The following CREBBP variants were observed in gnomAD, a reference collection of about 807,000 sequenced individuals.
CREBBP encodes CREB-binding protein.
Under a neutral mutation model 265.0 loss-of-function variants are expected in CREBBP, and 19 were observed. The ratio of observed to expected loss-of-function variants is 0.07; its 90% CI spans 0.05 to 0.11. The LOEUF is 0.11. CREBBP is among the 10% of genes least tolerant of loss of function. The pLI, the probability that CREBBP is intolerant of heterozygous loss-of-function variation, is 1.00. For synonymous variants in CREBBP, 1,457 were observed against 1,223.7 expected (o/e 1.19, Z -3.98); for missense variants, 2,525 against 3,219.0 (o/e 0.78, Z 5.22).
chr16:3,736,745 G>T lies in CREBBP; in HGVS notation c.4465C>A (p.Pro1489Thr), dbSNP rs1303444757. 13 of 1,614,054 alleles carry T rather than the reference G, an allele frequency of 8.1e-6. No homozygotes were observed. ...GDDYIFHCHP[P>T]DQKIPKPKRL... is the part of the protein sequence containing the mutation. ...TTTGGCTTGGGTATTTTTTGATCAGGTGGGTGGCAATGGAAGATGTAATCA... is the reference window on the plus strand; with the variant it reads ...TTTGGCTTGGGTATTTTTTGATCAGTTGGGTGGCAATGGAAGATGTAATCA... Residue 1489 changes from proline (P) to threonine (T), a missense_variant, in exon 27 of 31, where the codon CCT becomes ACT. By Grantham distance (38) the Pro-to-Thr change is conservative. Around this residue, in one of 19 missense-constraint regions of CREBBP, gnomAD observed 7 missense variants for 44.7 expected, o/e 0.16. Coordinates refer to ENST00000262367, the MANE Select transcript of CREBBP (RefSeq NM_004380.3).
At chr16:3,788,533 C>T (rs541090897) in intron 5 of CREBBP, among the ~76,000 whole-genome samples, 54 of 152,258 alleles carry the variant, frequency 3.5e-4, no homozygotes, top group African/African-American at 1.3e-3. Context: ...AGGTCAGATG[C>T]CAGGACTGAC....
At chr16:3,733,389 C>T (rs2051969080) in intron 28 of CREBBP, among the ~76,000 whole-genome samples, 1 of 151,614 alleles carries the variant, frequency 6.6e-6, no homozygotes, top group Non-Finnish European at 1.5e-5. Flanking sequence ...ATTCCCACCC[C>T]ACCGACAAGC....
intron 11 of CREBBP, among the ~76,000 whole-genome samples, chr16:3,775,829 C>CT: frequency 6.6e-6 from 1 of 152,314 alleles, no homozygotes. Context: ...CCAGCAGCAT[C>CT]TTCCTATCCA....
rs180866871 is a variant in CREBBP, at chr16:3,867,385, C to A, written c.85+12447G>T. Among the ~76,000 whole-genome samples the A allele has an allele frequency of 2.8e-3, 420 of 152,048 alleles. 2 individuals carry two copies. The highest frequency in any genetic ancestry group is 9.6e-3 in the African/African-American group (397 of 41,480). ...TGCGTGCCTGTAGTCCAAGCTACTG[C>A]GGAGGCTGAAGTGGGAGGATGGCTT... On this transcript the variant is annotated intron_variant, in intron 1 of 30. Coordinates refer to ENST00000262367, the MANE Select transcript of CREBBP (RefSeq NM_004380.3).
intron 1 of CREBBP, among the ~76,000 whole-genome samples, chr16:3,854,343 A>G (rs193233112): frequency 1.1e-4 from 16 of 152,342 alleles, no homozygotes; most frequent in Middle Eastern, 3.4e-3. Flanking sequence ...ATCACCCTGT[A>G]GCCAGGAGAG....
chr16:3,801,258 T>G (rs140156823), intron 3 of CREBBP, among the ~76,000 whole-genome samples: 14 of 152,304 alleles, frequency 9.2e-5, no homozygotes, highest in Non-Finnish European at 1.3e-4. Flanking sequence ...GGAAAACTGG[T>G]GAACAACAGG....
chr16:3,760,177 A>C (rs2052680127), intron 16 of CREBBP, among the ~76,000 whole-genome samples: 2 of 152,056 alleles, frequency 1.3e-5, no homozygotes, highest in African/African-American at 2.4e-5. Flanking sequence ...CTGCAGCTTC[A>C]ACCTCCCAGG....
In CREBBP at chr16:3,777,596, CACAA is replaced by C; in HGVS notation, c.2158+13_2158+16del. The C allele has an allele frequency of 6.2e-7, 1 of 1,613,740 alleles. No homozygotes were observed. Among genetic ancestry groups the C allele is most frequent in the South Asian group, 1.1e-5 (1 of 91,082 alleles). On this transcript the variant is annotated intron_variant, in intron 11 of 30. Coordinates refer to ENST00000262367, the MANE Select transcript of CREBBP (RefSeq NM_004380.3). ...AATGTAAAACTAAAATATGATTCAC[CACAA>C]ACAGTTCAATACCTTGAGAAACTTG...
intron 3 of CREBBP, among the ~76,000 whole-genome samples, chr16:3,807,090 A>G (rs2053845451): frequency 6.6e-6 from 1 of 152,182 alleles, no homozygotes; most frequent in Non-Finnish European, 1.5e-5. Flanking sequence ...AAGTGGAGTG[A>G]GCTCTGTGTC....
chr16:3,869,772 G>T (rs2055255896), intron 1 of CREBBP, among the ~76,000 whole-genome samples: 1 of 152,122 alleles, frequency 6.6e-6, no homozygotes, highest in Non-Finnish European at 1.5e-5. Context: ...GAGAACACAG[G>T]CATCCCCAAA....
chr16:3,757,448 A>G lies in CREBBP; in HGVS notation c.3610-72T>C, dbSNP rs946212958. On this transcript the variant is annotated intron_variant, in intron 18 of 30. Coordinates refer to ENST00000262367, the MANE Select transcript of CREBBP (RefSeq NM_004380.3). ...TTACTGTCTTATAATGTTCTAGTCT[A>G]CTATAGAGACTAGTAAATTATTTCT... The G allele has an allele frequency of 5.1e-6, 6 of 1,171,866 alleles. No individual in the cohort carries two copies. In the African/African-American group the frequency reaches 9.2e-5, roughly 18 times the overall value. The allele number at this position is 1,171,866 out of a possible 1,614,324, so 72.6% of individuals were successfully genotyped here.
chr16:3,794,537 A>T (rs758780419), intron 3 of CREBBP, among the ~76,000 whole-genome samples: 13 of 152,158 alleles, frequency 8.5e-5, no homozygotes, highest in African/African-American at 1.4e-4. Context: ...TAGCCTTAAT[A>T]CAACCACCCA....
At chr16:3,783,206 T>C (rs1287187692) in intron 5 of CREBBP, among the ~76,000 whole-genome samples, 2 of 152,150 alleles carry the variant, frequency 1.3e-5, no homozygotes, top group Non-Finnish European at 2.9e-5. Context: ...TGAAAAAAAT[T>C]ATTATGTCTT....
Position 3,769,414 on chromosome 16 carries a change from A to G in CREBBP, c.2881-61T>C, listed in dbSNP as rs1435532311. 10 of 1,581,054 alleles carry G rather than the reference A, an allele frequency of 6.3e-6. No individual in the cohort carries two copies. The East Asian group carries it at 2.0e-4, about 32-fold the overall frequency. On this transcript the variant is annotated intron_variant, in intron 14 of 30. Transcript: ENST00000262367. ...AAGGTAACATAAATGATCTTCAACTATGCTGCTCATGCAACCTACAATTTC... is the reference window on the plus strand; with the variant it reads ...AAGGTAACATAAATGATCTTCAACTGTGCTGCTCATGCAACCTACAATTTC...
chr16:3,777,861 A>G, intron 10 of CREBBP, 150 bp downstream of exon 10: 5 of 1,098,042 alleles, frequency 4.6e-6, no homozygotes, highest in Non-Finnish European at 6.9e-6. Context: ...ACACAGCCTG[A>G]GGCAGGTGGT....
At chr16:3,787,629 G>A (rs992671976) in intron 5 of CREBBP, among the ~76,000 whole-genome samples, 6 of 145,872 alleles carry the variant, frequency 4.1e-5, no homozygotes, top group African/African-American at 1.3e-4. Flanking sequence ...AAAAAAGGAG[G>A]TTTTTTTTTT....
rs962700193 is a variant in CREBBP, at chr16:3,839,238, G to C, written c.798+11059C>G. 2.0e-5 allele frequency among the ~76,000 whole-genome samples: 3 copies of C among 152,204 alleles called. No individual in the cohort carries two copies. In the South Asian group the frequency reaches 6.2e-4, roughly 31 times the overall value. ...CAGCTTATTCCAGAGCCCACGCCAG[G>C]CTTGAAAGCAATTAGCCACTACATC... On this transcript the variant is annotated intron_variant, in intron 2 of 30. Transcript: ENST00000262367.
At chr16:3,869,069 A>G (rs2055238816) in intron 1 of CREBBP, among the ~76,000 whole-genome samples, 1 of 152,156 alleles carries the variant, frequency 6.6e-6, no homozygotes, top group Non-Finnish European at 1.5e-5. Flanking sequence ...CCACCCTGCT[A>G]TGAGTGCTGT....
intron 2 of CREBBP, among the ~76,000 whole-genome samples, chr16:3,814,609 T>G (rs1402874321): frequency 6.6e-6 from 1 of 152,028 alleles, no homozygotes; most frequent in Admixed American, 6.6e-5. Context: ...CTCTGACAGA[T>G]TTCATCAAAA....
Sources: allele counts gnomAD v4.1 joint callset (sites outside exome capture counted in the v4.1 genomes callset), GRCh38; gene constraint gnomAD v4.1.1; regional missense constraint gnomAD v4.1.1; transcripts MANE v1.5; gene names NCBI Gene and HGNC (gene_info 2026-07-23, HGNC 2026-07-21).